SIPA1L2: variants seen among roughly 807,000 people sequenced by gnomAD.
SIPA1L2 encodes signal induced proliferation associated 1 like 2.
In SIPA1L2, 56 loss-of-function variants were observed where a neutral mutation model predicts 163.9. The observed-to-expected ratio is 0.34, with a 90% CI of 0.28 to 0.43. The LOEUF is 0.43. Ranked by LOEUF, SIPA1L2 falls within the 20% of genes least tolerant of loss-of-function variation. The pLI, the probability that SIPA1L2 is intolerant of heterozygous loss-of-function variation, is 1.00. For missense variants in SIPA1L2, 1,974 were observed against 2,193.5 expected (o/e 0.90, Z 2.00); for synonymous variants, 877 against 865.7 (o/e 1.01, Z -0.23).
At chr1:232,507,167 C>T (rs1269793770) in intron 3 of SIPA1L2, among the ~76,000 whole-genome samples, 2 of 138,174 alleles carry the variant, frequency 1.4e-5, no homozygotes, top group Non-Finnish European at 3.2e-5. Flanking sequence ...AAGGCTCTTA[C>T]GGTCTGTGAT....
chr1:232,628,704 A>G (rs968823028), intron 1 of SIPA1L2, among the ~76,000 whole-genome samples: 1 of 152,182 alleles, frequency 6.6e-6, no homozygotes, highest in African/African-American at 2.4e-5. Context: ...TTCAATTACT[A>G]ATTGTAACAC....
chr1:232,627,088 G>T (rs957328036), intron 1 of SIPA1L2, among the ~76,000 whole-genome samples: 2 of 151,854 alleles, frequency 1.3e-5, no homozygotes, highest in Non-Finnish European at 2.9e-5. Context: ...CAATACCCTA[G>T]TCTAAATTTT....
At position 232,402,389 on chromosome 1, in the gene SIPA1L2, T is replaced by C. The variant is rs532285162; in HGVS notation, c.5022+3A>G. The C allele has an allele frequency of 1.5e-4, 239 of 1,612,638 alleles. 1 individual carries two copies. The Middle Eastern group carries it at 2.8e-3, about 19-fold the overall frequency. Reference sequence around the variant, plus strand: ...TTCTGATTATGCTCTTCCAATTGATTACCTTCCGAAGGTCGGTCTGGAGTT... The same window carrying C: ...TTCTGATTATGCTCTTCCAATTGATCACCTTCCGAAGGTCGGTCTGGAGTT... On this transcript the variant is annotated splice_donor_region_variant and intron_variant, in intron 22 of 22. Transcript: ENST00000674635.
chr1:232,462,246 C>T (rs575995301), intron 9 of SIPA1L2: 67 of 1,550,874 alleles, frequency 4.3e-5, no homozygotes, highest in Admixed American at 3.9e-4. Context: ...AAGTATCACC[C>T]GATGACTATG....
intron 1 of SIPA1L2, among the ~76,000 whole-genome samples, chr1:232,623,595 G>A (rs930723303): frequency 1.3e-5 from 2 of 152,000 alleles, no homozygotes; most frequent in Non-Finnish European, 2.9e-5. Context: ...GTGACAGTGC[G>A]AGACTCTGTC....
At chr1:232,546,263 T>C (rs12064604) in intron 2 of SIPA1L2, among the ~76,000 whole-genome samples, 32,230 of 152,144 alleles carry the variant, frequency 0.21, 3,559 homozygotes, top group East Asian at 0.33. Flanking sequence ...CTTCTCTAGA[T>C]AAAGGATTTT....
At chr1:232,612,495 C>G (rs1475830322) in intron 1 of SIPA1L2, among the ~76,000 whole-genome samples, 1 of 152,218 alleles carries the variant, frequency 6.6e-6, no homozygotes, top group Non-Finnish European at 1.5e-5. Flanking sequence ...GAACCCACCT[C>G]TTGCATCAGC....
At chr1:232,478,266 TATTAGAAAAC>T (rs1475352492) in intron 7 of SIPA1L2, among the ~76,000 whole-genome samples, 1 of 152,164 alleles carries the variant, frequency 6.6e-6, no homozygotes, top group African/African-American at 2.4e-5. Flanking sequence ...GAACTATGAT[TATTAGAAAAC>T]ACTAGAAAAT....
chr1:232,448,735 A>T (rs1252720195), intron 10 of SIPA1L2, among the ~76,000 whole-genome samples: 1 of 152,238 alleles, frequency 6.6e-6, no homozygotes, highest in Non-Finnish European at 1.5e-5. Flanking sequence ...CAAGCACTGC[A>T]AAAGGCCAAG....
Position 232,410,491 on chromosome 1 carries a change from C to T in SIPA1L2, c.4762+5003G>A, listed in dbSNP as rs151224840. 2.3e-3 allele frequency among the ~76,000 whole-genome samples: 347 copies of T among 151,836 alleles called. 2 individuals carry two copies. Among genetic ancestry groups the T allele is most frequent in the Middle Eastern group, 0.01 (3 of 294 alleles). Reference sequence around the variant, plus strand: ...CTTATAATTATCTTTCCTGTGTGTACGTGTTTATCAGGAAAGAATCCTATC... The same window carrying T: ...CTTATAATTATCTTTCCTGTGTGTATGTGTTTATCAGGAAAGAATCCTATC... On this transcript the variant is annotated intron_variant, in intron 19 of 22. Transcript: ENST00000674635.
At chr1:232,407,674 T>TA (rs1357068901) in intron 19 of SIPA1L2, among the ~76,000 whole-genome samples, 1 of 152,202 alleles carries the variant, frequency 6.6e-6, no homozygotes, top group Non-Finnish European at 1.5e-5. Flanking sequence ...TGGCGATCTC[T>TA]ACCACCAACT....
chr1:232,464,830 A>G lies in SIPA1L2; in HGVS notation c.2820+10T>C. On this transcript the variant is annotated intron_variant, in intron 9 of 22. Coordinates refer to ENST00000674635, the MANE Select transcript of SIPA1L2 (RefSeq NM_020808.5). ...TAAGGATGGCGGGAAAATAGAAAAC[A>G]TGTACTTACTACTAATCGCTGAACA... The G allele has an allele frequency of 1.3e-6, 2 of 1,561,098 alleles. No individual in the cohort carries two copies. Among genetic ancestry groups the G allele is most frequent in the East Asian group, 2.3e-5 (1 of 44,416 alleles).
chr1:232,443,569 C>T, intron 12 of SIPA1L2, 33 bp downstream of exon 12: 2 of 1,516,792 alleles, frequency 1.3e-6, no homozygotes, highest in Non-Finnish European at 1.8e-6. Flanking sequence ...CAGGTTCCTC[C>T]CAGTGGATAA....
chr1:232,493,785 C>T (rs1359786736), intron 3 of SIPA1L2, 125 bp from the exon 4 acceptor site: 4 of 1,218,630 alleles, frequency 3.3e-6, no homozygotes, highest in Non-Finnish European at 2.3e-6. Flanking sequence ...CAGTGATTTC[C>T]TTGTATCTGT....
At chr1:232,614,241 A>G (rs918747740) in intron 1 of SIPA1L2, among the ~76,000 whole-genome samples, 2 of 151,980 alleles carry the variant, frequency 1.3e-5, no homozygotes, top group Non-Finnish European at 2.9e-5. Flanking sequence ...TTATTCCATC[A>G]GCCAAGGCCT....
In SIPA1L2 at chr1:232,439,114, T is replaced by C. The variant is rs765880598; in HGVS notation, c.4025A>G (p.His1342Arg). The change falls in exon 15 of 23, where the codon CAT (histidine) becomes CGT (arginine). Residue 1342 changes from histidine to arginine, a missense_variant. Physicochemically the swap from His to Arg is conservative, Grantham distance 29 (BLOSUM62 0). Around this residue, in one of 3 missense-constraint regions of SIPA1L2, gnomAD observed 1,079 missense variants for 1,150.7 expected, o/e 0.94. Coordinates refer to ENST00000674635, the MANE Select transcript of SIPA1L2 (RefSeq NM_020808.5). ...GCAGTGCTGTGGGGCTTACCTGGAA[T>C]GAGAGGATATCTCACTGAGATCGCC... ...SMGDLSEISSHSSGSHHSGSP... is the reference protein window; with the variant it reads ...SMGDLSEISSRSSGSHHSGSP... 3 of 1,603,028 alleles carry C rather than the reference T, an allele frequency of 1.9e-6. No individual in the cohort carries two copies. Among genetic ancestry groups the C allele is most frequent in the Non-Finnish European group, 2.6e-6 (3 of 1,174,004 alleles).
Position 232,505,037 on chromosome 1 carries a change from C to T in SIPA1L2, c.1483+8820G>A, listed in dbSNP as rs117331070. On this transcript the variant is annotated intron_variant, in intron 3 of 22. Transcript: ENST00000674635. ...AACAAATGTATCCTTGACATAAAAA[C>T]GGTATCTTGAAAAACATGATTTCAA... 3.2e-4 allele frequency among the ~76,000 whole-genome samples: 49 copies of T among 152,162 alleles called. 1 individual carries two copies. In the East Asian group the frequency reaches 5.8e-3, roughly 18 times the overall value.
In SIPA1L2 at chr1:232,526,393, C is replaced by A. The variant is rs77350356; in HGVS notation, c.-269-10785G>T. On this transcript the variant is annotated intron_variant, in intron 2 of 22. Transcript: ENST00000674635. ...TTTCGTGGAAGACAATTTTTTCACACACTGGAGTGGGGTGGGTAGGGTGGG... is the reference window on the plus strand; with the variant it reads ...TTTCGTGGAAGACAATTTTTTCACAAACTGGAGTGGGGTGGGTAGGGTGGG... Among the ~76,000 whole-genome samples the A allele has an allele frequency of 1.4e-3, 210 of 148,794 alleles. 1 individual carries two copies. Among genetic ancestry groups the A allele is most frequent in the African/African-American group, 4.9e-3 (199 of 40,692 alleles).
chr1:232,614,108 C>G (rs1662385573), intron 1 of SIPA1L2, among the ~76,000 whole-genome samples: 1 of 152,192 alleles, frequency 6.6e-6, no homozygotes, highest in African/African-American at 2.4e-5. Flanking sequence ...CCCCAACCAA[C>G]AGACTACACT....
Sources: allele counts gnomAD v4.1 joint callset (sites outside exome capture counted in the v4.1 genomes callset), GRCh38; gene constraint gnomAD v4.1.1; regional missense constraint gnomAD v4.1.1; transcripts MANE v1.5; gene names NCBI Gene and HGNC (gene_info 2026-07-23, HGNC 2026-07-21).